RASGRF2: variants seen among roughly 807,000 people sequenced by gnomAD.
The protein encoded by RASGRF2 is Ras protein specific guanine nucleotide releasing factor 2.
Under a neutral mutation model 151.0 loss-of-function variants are expected in RASGRF2, and 76 were observed. The observed-to-expected ratio is 0.50, with a 90% confidence interval of 0.42 to 0.61. The LOEUF is 0.61. Ranked by LOEUF, RASGRF2 falls within the 20% of genes least tolerant of loss-of-function variation. RASGRF2 has a pLI of 0.00. For missense variants in RASGRF2, 1,148 were observed against 1,564.6 expected, an observed-to-expected ratio of 0.73 and a Z score of 4.49; for synonymous variants, 504 against 566.5, an observed-to-expected ratio of 0.89 and a Z score of 1.57.
intron 22 of RASGRF2, 41 bp from the exon 23 acceptor site, chr5:81,212,325 G>A (rs974448518): frequency 6.6e-7 from 1 of 1,503,800 alleles, no homozygotes; most frequent in African/African-American, 1.4e-5. Context: ...GCACTGCTTG[G>A]GGCTCTTAGA....
chr5:81,057,807 G>C (rs1489635604), intron 2 of RASGRF2, among the ~76,000 whole-genome samples: 1 of 151,906 alleles, frequency 6.6e-6, no homozygotes, highest in Non-Finnish European at 1.5e-5. Context: ...CCAGCCTGGG[G>C]AACATAGTGA....
At chr5:81,003,347 T>G (rs185757363) in intron 1 of RASGRF2, among the ~76,000 whole-genome samples, 1 of 151,324 alleles carries the variant, frequency 6.6e-6, no homozygotes, top group South Asian at 2.1e-4. Context: ...CTCAGCCTCC[T>G]GAGTAGCTGG....
At chr5:81,161,516 C>T (rs1207134331) in intron 17 of RASGRF2, among the ~76,000 whole-genome samples, 1 of 152,204 alleles carries the variant, frequency 6.6e-6, no homozygotes, top group Non-Finnish European at 1.5e-5. Context: ...TGAACGACCT[C>T]ACTGTATGAT....
intron 1 of RASGRF2, among the ~76,000 whole-genome samples, chr5:81,003,070 A>T (rs1420655920): frequency 7.6e-5 from 8 of 104,626 alleles, no homozygotes; most frequent in Non-Finnish European, 1.5e-4. Flanking sequence ...ATTTTTTTTG[A>T]GAGAGAGAGA....
chr5:81,009,039 G>A (rs1360531010), intron 1 of RASGRF2, among the ~76,000 whole-genome samples: 1 of 152,194 alleles, frequency 6.6e-6, no homozygotes, highest in African/African-American at 2.4e-5. Context: ...ACAACAGAGT[G>A]TGGCAGACCA....
At position 81,080,209 on chromosome 5, in the gene RASGRF2, A is replaced by G. The variant is rs373532557; in HGVS notation, c.967+9A>G. Reference sequence around the variant, plus strand: ...GCCCACTTTAATTTTAGGTAAGTGCATTCTTTAAAGGTGTAAGATTTTCTT... The same window carrying G: ...GCCCACTTTAATTTTAGGTAAGTGCGTTCTTTAAAGGTGTAAGATTTTCTT... On this transcript the variant is annotated intron_variant, in intron 6 of 26. Coordinates refer to ENST00000265080, the MANE Select transcript of RASGRF2 (RefSeq NM_006909.3). 209 of 1,593,906 alleles carry G rather than the reference A, an allele frequency of 1.3e-4. No homozygotes were observed. Among genetic ancestry groups the G allele is most frequent in the Middle Eastern group, 5.0e-4 (3 of 6,008 alleles).
intron 1 of RASGRF2, among the ~76,000 whole-genome samples, chr5:81,022,890 A>G (rs1403782352): frequency 2.0e-5 from 3 of 152,200 alleles, no homozygotes; most frequent in African/African-American, 7.2e-5. Context: ...CAGTGGGTCT[A>G]GTTCTAGGTG....
At chr5:80,981,037 A>G (rs982725509) in intron 1 of RASGRF2, among the ~76,000 whole-genome samples, 2 of 152,190 alleles carry the variant, frequency 1.3e-5, no homozygotes, top group Non-Finnish European at 2.9e-5. Flanking sequence ...TCTTCTCCAC[A>G]TTTGTCTAAA....
chr5:81,061,178 A>G (rs550709350), intron 2 of RASGRF2, among the ~76,000 whole-genome samples: 39 of 152,076 alleles, frequency 2.6e-4, no homozygotes, highest in Non-Finnish European at 5.0e-4. Context: ...TATTTAACCA[A>G]TCCCATATTA....
chr5:81,081,505 T>C (rs1024744998), intron 7 of RASGRF2, among the ~76,000 whole-genome samples: 5 of 152,210 alleles, frequency 3.3e-5, no homozygotes, highest in Non-Finnish European at 7.3e-5. Context: ...AAATGTGCAT[T>C]GAATCTCCTG....
At chr5:81,067,058 A>G (rs866875176) in intron 2 of RASGRF2, among the ~76,000 whole-genome samples, 10 of 152,266 alleles carry the variant, frequency 6.6e-5, no homozygotes, top group African/African-American at 2.4e-4. Context: ...CTTAATTTGA[A>G]TCCCAGCCCT....
At chr5:81,067,943 C>A (rs1244158199) in intron 2 of RASGRF2, 89 bp from the exon 3 acceptor site, 2 of 1,163,440 alleles carry the variant, frequency 1.7e-6, no homozygotes, top group East Asian at 2.7e-5. Context: ...CTCATAACTT[C>A]TTTTTCAAAT....
chr5:81,222,362 G>A (rs1755874251), intron 26 of RASGRF2, among the ~76,000 whole-genome samples: 1 of 152,030 alleles, frequency 6.6e-6, no homozygotes, highest in Non-Finnish European at 1.5e-5. Flanking sequence ...TCTTTTAATA[G>A]CCCCTAGGTT....
At chr5:81,012,592 C>T (rs947884931) in intron 1 of RASGRF2, among the ~76,000 whole-genome samples, 2 of 152,094 alleles carry the variant, frequency 1.3e-5, no homozygotes. Flanking sequence ...CAAGGTTATG[C>T]CCTTCCTGAG....
At chr5:81,008,238 C>G (rs537853198) in intron 1 of RASGRF2, among the ~76,000 whole-genome samples, 18 of 148,730 alleles carry the variant, frequency 1.2e-4, no homozygotes, top group Non-Finnish European at 2.4e-4. Flanking sequence ...GCAACCTCCT[C>G]CTCCCGGGTT....
chr5:81,032,404 A>G (rs1235335907), intron 1 of RASGRF2, among the ~76,000 whole-genome samples: 5 of 152,240 alleles, frequency 3.3e-5, no homozygotes, highest in Non-Finnish European at 1.5e-5. Context: ...TCAATAAAAT[A>G]CTGGCAAACC....
At chr5:80,963,777 G>A (rs973512633) in intron 1 of RASGRF2, among the ~76,000 whole-genome samples, 3 of 152,184 alleles carry the variant, frequency 2.0e-5, no homozygotes, top group Non-Finnish European at 2.9e-5. Flanking sequence ...ATTGGAGGGC[G>A]ACATATTTAT....
Position 81,027,423 on chromosome 5 carries a change from T to C in RASGRF2, c.289-15454T>C, listed in dbSNP as rs898013324. On this transcript the variant is annotated intron_variant, in intron 1 of 26. Transcript: ENST00000265080. ...AGAATGTCTGTCAATTAAAAAATAG[T>C]GATAAAAAAACTCCTCACCCATTAG... 2.6e-5 allele frequency among the ~76,000 whole-genome samples: 4 copies of C among 152,160 alleles called. No individual in the cohort carries two copies. In the East Asian group the frequency reaches 7.7e-4, roughly 29 times the overall value.
chr5:81,092,135 G>A (rs1752406944), intron 9 of RASGRF2, among the ~76,000 whole-genome samples: 1 of 152,126 alleles, frequency 6.6e-6, no homozygotes, highest in Non-Finnish European at 1.5e-5. Context: ...TAAATGGAAG[G>A]TAGTTTTGCT....
Sources: allele counts gnomAD v4.1 joint callset (sites outside exome capture counted in the v4.1 genomes callset), GRCh38; gene constraint gnomAD v4.1.1; transcripts MANE v1.5; gene names NCBI Gene and HGNC (gene_info 2026-07-23, HGNC 2026-07-21).